The following BANK1 variants were observed in gnomAD, a reference collection of about 807,000 sequenced individuals.
The protein encoded by BANK1 is B cell scaffold protein with ankyrin repeats 1.
BANK1 carries 95 observed loss-of-function variants against 94.5 expected under a neutral mutation model. That is an observed-to-expected ratio of 1.00 (90% confidence interval 0.85 to 1.19). The LOEUF (loss-of-function observed/expected upper bound fraction) is 1.19. Ranked by LOEUF, BANK1 falls within the 50% of genes most tolerant of loss-of-function variation. BANK1 has a pLI of 0.00. For missense variants in BANK1, 987 were observed against 932.2 expected (o/e 1.06, Z -0.77); for synonymous variants, 334 against 308.4 (o/e 1.08, Z -0.87).
At chr4:102,045,072 A>G (rs1340965376) in intron 11 of BANK1, among the ~76,000 whole-genome samples, 1 of 151,874 alleles carries the variant, frequency 6.6e-6, no homozygotes, top group Non-Finnish European at 1.5e-5. Context: ...TTTTGTTGCC[A>G]TTGCTTTGGT....
intron 6 of BANK1, among the ~76,000 whole-genome samples, chr4:101,897,878 A>G (rs1285027140): frequency 1.3e-5 from 2 of 151,956 alleles, no homozygotes; most frequent in African/African-American, 4.8e-5. Flanking sequence ...AGAAAAAAAT[A>G]TTACCCTCTC....
rs531726099 is a variant in BANK1, at chr4:101,914,133, A to G, written c.1010-3860A>G. 9.8e-5 allele frequency among the ~76,000 whole-genome samples: 15 copies of G among 152,306 alleles called. No individual in the cohort carries two copies. In the South Asian group the frequency reaches 3.1e-3, roughly 32 times the overall value. On this transcript the variant is annotated intron_variant, in intron 6 of 16. Coordinates refer to ENST00000322953, the MANE Select transcript of BANK1 (RefSeq NM_017935.5). ...TTTGTCTATGCCTGACAATAAGAAT[A>G]AACAACAGAGAATCAAGGCTCTAGA...
At chr4:101,952,221 T>A (rs1230827202) in intron 7 of BANK1, among the ~76,000 whole-genome samples, 2 of 152,142 alleles carry the variant, frequency 1.3e-5, no homozygotes, top group East Asian at 3.9e-4. Context: ...TTTTGTTCAA[T>A]GTTTTGTTGT....
intron 7 of BANK1, among the ~76,000 whole-genome samples, chr4:101,951,492 C>G (rs1160045385): frequency 6.6e-6 from 1 of 152,022 alleles, no homozygotes; most frequent in African/African-American, 2.4e-5. Flanking sequence ...ACACTGAAAG[C>G]TGAAATACTT....
chr4:101,960,527 A>G lies in BANK1; in HGVS notation c.1206+42338A>G, dbSNP rs72916175. Among the ~76,000 whole-genome samples the G allele has an allele frequency of 9.0e-3, 1,366 of 152,168 alleles. 20 individuals carry two copies. The highest frequency in any genetic ancestry group is 0.031 in the African/African-American group (1,292 of 41,516). On this transcript the variant is annotated intron_variant, in intron 7 of 16. Transcript: ENST00000322953. Reference sequence around the variant, plus strand: ...TTTAGTGGGTAGTGGGGAACTAGAAAGATCTGAAGTGGCTACAAGCTGAGA... The same window carrying G: ...TTTAGTGGGTAGTGGGGAACTAGAAGGATCTGAAGTGGCTACAAGCTGAGA...
intron 6 of BANK1, among the ~76,000 whole-genome samples, chr4:101,908,927 G>T (rs1722561093): frequency 6.6e-6 from 1 of 152,196 alleles, no homozygotes; most frequent in Admixed American, 6.5e-5. Context: ...GAGAGGATGT[G>T]GAGAAACAGG....
chr4:101,829,800 T>G lies in BANK1; in HGVS notation c.71-8T>G. On this transcript the variant is annotated splice_region_variant and splice_polypyrimidine_tract_variant and intron_variant, in intron 1 of 16. Transcript: ENST00000322953. ...GCAAATATAAGAAAATATTTTTTCT[T>G]TTTCCAGGAAATACAAAAGATATAA... 6.7e-7 allele frequency: 1 copy of G among 1,498,012 alleles called. No homozygotes were observed. Among genetic ancestry groups the G allele is most frequent in the South Asian group, 1.3e-5 (1 of 74,770 alleles). 92.8% of individuals were successfully genotyped at this position (1,498,012 alleles called of 1,614,324 possible).
At chr4:102,072,127 A>G (rs1413665144) in intron 14 of BANK1, among the ~76,000 whole-genome samples, 2 of 152,352 alleles carry the variant, frequency 1.3e-5, no homozygotes, top group East Asian at 3.9e-4. Context: ...TGACTCCTGT[A>G]GGTCCTCAGT....
At chr4:102,017,706 T>G (rs536659558) in intron 7 of BANK1, among the ~76,000 whole-genome samples, 24 of 152,344 alleles carry the variant, frequency 1.6e-4, no homozygotes, top group Middle Eastern at 3.4e-3. Context: ...AATTAGAAAA[T>G]TGCATTTCCT....
chr4:101,908,985 G>A (rs1281299442), intron 6 of BANK1, among the ~76,000 whole-genome samples: 2 of 152,182 alleles, frequency 1.3e-5, no homozygotes, highest in African/African-American at 4.8e-5. Flanking sequence ...TGACCATTGT[G>A]GAAGACAGTG....
At chr4:101,936,375 G>A (rs1347562396) in intron 7 of BANK1, among the ~76,000 whole-genome samples, 6 of 149,382 alleles carry the variant, frequency 4.0e-5, no homozygotes, top group African/African-American at 1.5e-4. Flanking sequence ...ATATATGTGT[G>A]CATACATGCA....
intron 10 of BANK1, among the ~76,000 whole-genome samples, chr4:102,031,225 G>A (rs906168873): frequency 1.3e-5 from 2 of 152,168 alleles, no homozygotes; most frequent in Non-Finnish European, 2.9e-5. Flanking sequence ...TCCGTTGGCT[G>A]CATAAATGTC....
At chr4:101,796,222 G>A (rs182370199) in intron 1 of BANK1, among the ~76,000 whole-genome samples, 71 of 152,136 alleles carry the variant, frequency 4.7e-4, no homozygotes, top group Admixed American at 7.9e-4. Flanking sequence ...TTCTAGTGAC[G>A]GAGCAGCTGC....
chr4:101,943,383 C>T (rs1723816147), intron 7 of BANK1, among the ~76,000 whole-genome samples: 1 of 151,836 alleles, frequency 6.6e-6, no homozygotes, highest in South Asian at 2.1e-4. Context: ...ATGACTGCTT[C>T]TGAGGAGCTG....
Position 101,912,047 on chromosome 4 carries a change from A to G in BANK1, c.1010-5946A>G, listed in dbSNP as rs76714068. On this transcript the variant is annotated intron_variant, in intron 6 of 16. Coordinates refer to ENST00000322953, the MANE Select transcript of BANK1 (RefSeq NM_017935.5). ...GGGTTGGCCTCAATTAGAAACACAC[A>G]CACACATACACACACACACAGAGGA... 4.7e-3 allele frequency among the ~76,000 whole-genome samples: 720 copies of G among 152,284 alleles called. 14 individuals carry two copies. The East Asian group carries it at 0.058, about 12-fold the overall frequency.
chr4:101,791,417 T>G (rs1724981823), intron 1 of BANK1, among the ~76,000 whole-genome samples: 1 of 152,200 alleles, frequency 6.6e-6, no homozygotes, highest in African/African-American at 2.4e-5. Flanking sequence ...TTGGTAGCCC[T>G]GCTTCTTGGC....
intron 10 of BANK1, among the ~76,000 whole-genome samples, chr4:102,031,545 TAGTG>T (rs1157867887): frequency 6.6e-6 from 1 of 152,194 alleles, no homozygotes; most frequent in Non-Finnish European, 1.5e-5. Flanking sequence ...TTTAGAAACA[TAGTG>T]AGTAAAGAAA....
At chr4:102,024,047 G>C (rs1223889683) in intron 8 of BANK1, among the ~76,000 whole-genome samples, 2 of 152,132 alleles carry the variant, frequency 1.3e-5, no homozygotes, top group African/African-American at 4.8e-5. Context: ...TTTAGTTTTA[G>C]TACTGGAAAC....
intron 2 of BANK1, among the ~76,000 whole-genome samples, chr4:101,852,470 C>CTATATATATATATATATA (rs541955636): frequency 8.7e-5 from 9 of 103,766 alleles, no homozygotes; most frequent in Non-Finnish European, 1.1e-4. Context: ...TATTTTTCGG[C>CTATATATATATATATATA]TATATATATA....
Sources: gnomAD v4.1 joint callset for allele counts (sites outside exome capture counted in the v4.1 genomes callset) on GRCh38, gnomAD v4.1.1 for gene constraint, MANE v1.5 for transcripts, NCBI Gene and HGNC (gene_info 2026-07-23, HGNC 2026-07-21) for gene names.